Variants in PKD2 observed in about 807,000 individuals in gnomAD.
The protein encoded by PKD2 is polycystin 2, transient receptor potential cation channel, also known as polycystin-2.
In PKD2, 48 loss-of-function variants were observed where a neutral mutation model predicts 105.9. The ratio of observed to expected loss-of-function variants is 0.45; its 90% CI spans 0.36 to 0.58. The LOEUF (loss-of-function observed/expected upper bound fraction) is 0.58, where lower values mean the gene tolerates loss of function less well. PKD2 is among the 20% of genes least tolerant of loss of function. The pLI is 0.00. For missense variants in PKD2, 1,078 were observed against 1,255.3 expected (o/e 0.86, Z 2.13); for synonymous variants, 464 against 481.1 (o/e 0.96, Z 0.46).
rs1560633573 is a variant in PKD2 at position 88,075,504 on chromosome 4, A to T, written c.2717A>T (p.Glu906Val). The stretch of plus-strand genomic sequence containing the variant: ...AGTGAAATCCATAGGGAACAGATGG[A>T]ACGGCTAGTACGTGAAGAGTTGGAA... ...RDSEIHREQM[E>V]RLVREELERW... The change falls in exon 15 of 15, where the codon GAA (glutamate) becomes GTA (valine). Residue 906 changes from glutamate to valine, a missense_variant. Coordinates refer to ENST00000237596, the MANE Select transcript of PKD2 (RefSeq NM_000297.4). 3.1e-6 allele frequency: 5 copies of T among 1,614,180 alleles called. No homozygotes were observed. Among genetic ancestry groups the T allele is most frequent in the Non-Finnish European group, 3.4e-6 (4 of 1,180,030 alleles).
chr4:88,036,359 T>C lies in PKD2; in HGVS notation c.843+6T>C, dbSNP rs753371816. On this transcript the variant is annotated splice_donor_region_variant and intron_variant, in intron 3 of 14. Transcript: ENST00000237596. ...CCATGGAAGACTTCTGGAAGGTATTTGCAAATAACTTTGAAAGTACCTCTC... is the reference window on the plus strand; with the variant it reads ...CCATGGAAGACTTCTGGAAGGTATTCGCAAATAACTTTGAAAGTACCTCTC... 20 of 1,612,770 alleles carry C rather than the reference T, an allele frequency of 1.2e-5. No homozygotes were observed. The highest frequency in any genetic ancestry group is 1.7e-5 in the Non-Finnish European group (20 of 1,178,770).
intron 13 of PKD2, 29 bp downstream of exon 13, chr4:88,068,090 C>T (rs368064395): frequency 1.4e-5 from 23 of 1,595,736 alleles, no homozygotes; most frequent in South Asian, 3.3e-5. Context: ...GCAGAATTTG[C>T]GTTGACAAGA....
chr4:88,070,625 G>GAGAGAGAA, intron 13 of PKD2, among the ~76,000 whole-genome samples: 2 of 146,864 alleles, frequency 1.4e-5, no homozygotes, highest in Middle Eastern at 3.5e-3. Context: ...GAGAGAGAGA[G>GAGAGAGAA]AGAAAGAGAG....
intron 3 of PKD2, among the ~76,000 whole-genome samples, chr4:88,036,834 C>G (rs1727350576): frequency 6.6e-6 from 1 of 152,208 alleles, no homozygotes; most frequent in African/African-American, 2.4e-5. Flanking sequence ...TGTGGTTCTT[C>G]TGTCTTGCTT....
intron 4 of PKD2, among the ~76,000 whole-genome samples, chr4:88,042,068 A>G (rs1727584984): frequency 6.6e-6 from 1 of 152,236 alleles, no homozygotes; most frequent in African/African-American, 2.4e-5. Context: ...ATGGGAGCCA[A>G]ACTGAACTAC....
intron 9 of PKD2, 101 bp from the exon 10 acceptor site, chr4:88,061,805 G>GA (rs1367602879): frequency 8.7e-6 from 6 of 688,482 alleles, no homozygotes; most frequent in African/African-American, 1.8e-5. Context: ...CTCAGATTAG[G>GA]AAAAAAAGGA....
intron 7 of PKD2, among the ~76,000 whole-genome samples, chr4:88,053,782 C>A (rs1183852052): frequency 6.6e-6 from 1 of 151,888 alleles, no homozygotes; most frequent in Non-Finnish European, 1.5e-5. Context: ...TAATAATAAT[C>A]AAACAGCAAA....
At chr4:88,070,699 C>A (rs1426841766) in intron 13 of PKD2, among the ~76,000 whole-genome samples, 2 of 150,814 alleles carry the variant, frequency 1.3e-5, no homozygotes, top group East Asian at 3.9e-4. Flanking sequence ...GTGGTGTAAT[C>A]ATGGCTCTCT....
chr4:88,068,018 A>C lies in PKD2; in HGVS notation c.2479A>C (p.Arg827=), dbSNP rs1304339385. Residue 827 remains arginine (R), a synonymous_variant, in exon 13 of 15, where the codon AGG becomes CGG. Coordinates refer to ENST00000237596, the MANE Select transcript of PKD2 (RefSeq NM_000297.4). ...DEDSGHSSRR[R]GSISSGVSYE... ...AGATAGCGGACATAGCTCCAGAAGG[A>C]GGGGAAGCATTTCTAGTGGCGTTTC... 1 of 1,614,090 alleles carries C rather than the reference A, an allele frequency of 6.2e-7. No homozygotes were observed. The highest frequency in any genetic ancestry group is 2.2e-5 in the East Asian group (1 of 44,876).
chr4:88,041,722 C>T (rs1035951832), intron 4 of PKD2, among the ~76,000 whole-genome samples: 3 of 152,200 alleles, frequency 2.0e-5, no homozygotes. Context: ...GTGTAAGCCA[C>T]ATTGCTTATA....
At chr4:88,062,782 TA>T (rs1182271799) in intron 10 of PKD2, among the ~76,000 whole-genome samples, 1 of 152,204 alleles carries the variant, frequency 6.6e-6, no homozygotes, top group Non-Finnish European at 1.5e-5. Flanking sequence ...TGATATATGT[TA>T]TAATAGAAAA....
intron 12 of PKD2, among the ~76,000 whole-genome samples, chr4:88,067,039 A>T (rs77587422): frequency 0.01 from 1,554 of 152,260 alleles, 3 homozygotes; most frequent in Non-Finnish European, 0.016. Flanking sequence ...CATCTTTCCT[A>T]CTTTGGAGCT....
chr4:88,047,973 A>T (rs1368782261), intron 6 of PKD2, among the ~76,000 whole-genome samples: 2 of 152,196 alleles, frequency 1.3e-5, no homozygotes, highest in African/African-American at 4.8e-5. Context: ...TTATCACTTA[A>T]TTAAGCATCC....
intron 5 of PKD2, 87 bp downstream of exon 5, chr4:88,043,544 G>A (rs1256564481): frequency 6.4e-6 from 6 of 939,368 alleles, no homozygotes; most frequent in Non-Finnish European, 1.0e-5. Flanking sequence ...ACCTTTGCCT[G>A]CAGTTAGCTA....
rs1578154646 is a variant in PKD2 at position 88,075,985 on chromosome 4, C to T, written c.*291C>T. ...AGTTGCCACCATGACTGAGTCTTCT[C>T]AGTTGACAATGAAGTAGCCTTTTAA... On this transcript the variant is annotated 3_prime_UTR_variant, in exon 15 of 15. Coordinates refer to ENST00000237596, the MANE Select transcript of PKD2 (RefSeq NM_000297.4). 1 of 356,986 alleles carries T rather than the reference C, an allele frequency of 2.8e-6. No homozygotes were observed. The allele number at this position is 356,986 out of a possible 1,614,324, so 22.1% of individuals were successfully genotyped here.
At chr4:88,037,135 G>A (rs1434821880) in intron 3 of PKD2, among the ~76,000 whole-genome samples, 3 of 152,134 alleles carry the variant, frequency 2.0e-5, no homozygotes, top group African/African-American at 4.8e-5. Flanking sequence ...GGAGGCTGAG[G>A]TGGGAGAATC....
chr4:88,031,420 C>T (rs562786507), intron 2 of PKD2, among the ~76,000 whole-genome samples: 1 of 152,214 alleles, frequency 6.6e-6, no homozygotes, highest in East Asian at 1.9e-4. Flanking sequence ...CCACTGCATC[C>T]CTGTGAGGAT....
Position 88,069,602 on chromosome 4 carries a change from A to G in PKD2, c.2522+1541A>G, listed in dbSNP as rs142187387. The stretch of plus-strand genomic sequence containing the variant: ...TATATATTCATCTATCTATATGTAT[A>G]TATAGTCATCTACATATGTTGCAAA... On this transcript the variant is annotated intron_variant, in intron 13 of 14. Coordinates refer to ENST00000237596, the MANE Select transcript of PKD2 (RefSeq NM_000297.4). 6.2e-3 allele frequency among the ~76,000 whole-genome samples: 948 copies of G among 152,166 alleles called. 6 individuals are homozygous for G. Among genetic ancestry groups the G allele is most frequent in the Non-Finnish European group, 9.5e-3 (646 of 67,968 alleles).
chr4:88,074,437 C>T (rs1435552721), intron 13 of PKD2, among the ~76,000 whole-genome samples: 1 of 152,124 alleles, frequency 6.6e-6, no homozygotes, highest in African/African-American at 2.4e-5. Flanking sequence ...CATGCCCTAC[C>T]CCCCCATCAA....
Sources: allele counts gnomAD v4.1 joint callset (sites outside exome capture counted in the v4.1 genomes callset), GRCh38; gene constraint gnomAD v4.1.1; transcripts MANE v1.5; gene names NCBI Gene and HGNC (gene_info 2026-07-23, HGNC 2026-07-21).